The following OR5D14 variants were observed in gnomAD, a reference collection of about 807,000 sequenced individuals.
The protein encoded by OR5D14 is olfactory receptor family 5 subfamily D member 14.
For missense variants in OR5D14, 466 were observed against 375.5 expected, an observed-to-expected ratio of 1.24 and a Z score of -1.99; for synonymous variants, 187 against 138.2, an observed-to-expected ratio of 1.35 and a Z score of -2.48.
In OR5D14 at chr11:55,795,600, C is replaced by A. The variant is rs1448584430; in HGVS notation, c.45C>A (p.Ala15=). The A allele has an allele frequency of 1.2e-6, 2 of 1,610,326 alleles. No homozygotes were observed. Among genetic ancestry groups the A allele is most frequent in the South Asian group, 2.2e-5 (2 of 90,586 alleles). ...LRNLSMEPTF[A]LLGFTDYPKL... ...ATCTGAGCATGGAGCCCACCTTTGC[C>A]CTTTTAGGTTTCACAGATTACCCAA... The change falls in exon 1 of 1, where the codon GCC becomes GCA. Residue 15 remains alanine (A), a synonymous_variant. Coordinates refer to ENST00000335605, the MANE Select transcript of OR5D14 (RefSeq NM_001004735.1).
Position 55,796,230 on chromosome 11 carries a change from G to A in OR5D14, c.675G>A (p.Val225=). ...TCACTTCCTATGTTTTCATTTTTGTGACTGTACTAAAAATCCGTTCTGTTA... is the reference window on the plus strand; with the variant it reads ...TCACTTCCTATGTTTTCATTTTTGTAACTGTACTAAAAATCCGTTCTGTTA... ...IILTSYVFIF[V]TVLKIRSVSG... The change falls in exon 1 of 1, where the codon GTG becomes GTA. Residue 225 remains valine (V), a synonymous_variant. Transcript: ENST00000335605. 1.9e-6 allele frequency: 3 copies of A among 1,613,770 alleles called. No homozygotes were observed. The highest frequency in any genetic ancestry group is 2.5e-6 in the Non-Finnish European group (3 of 1,179,988).
rs776097725 is a variant in OR5D14 at position 55,796,085 on chromosome 11, AC to A, written c.532del (p.His178ThrfsTer37). 1 of 1,613,770 alleles carries A rather than the reference AC, an allele frequency of 6.2e-7. No individual in the cohort carries two copies. Among genetic ancestry groups the A allele is most frequent in the Non-Finnish European group, 8.5e-7 (1 of 1,179,972 alleles). On this transcript the variant is annotated frameshift_variant, in exon 1 of 1. Transcript: ENST00000335605. LOFTEE classifies it low-confidence loss of function (END_TRUNC). Reference sequence around the variant, plus strand: ...AACTTCTCTGGACCTAATGTAATCAACCACTTCTTTTGTGAGTATACTGCTC... The same window carrying A: ...AACTTCTCTGGACCTAATGTAATCAACACTTCTTTTGTGAGTATACTGCTC... ...RLNFSGPNVI[N>X]HFFCEYTALI... is the part of the protein sequence containing the mutation.
rs1254557892 is a variant in OR5D14 at position 55,795,756 on chromosome 11, CCTCT to C, written c.204_207del (p.Ser69LeufsTer19). 6.2e-7 allele frequency: 1 copy of C among 1,613,076 alleles called. No homozygotes were observed. The highest frequency in any genetic ancestry group is 2.2e-5 in the East Asian group (1 of 44,884). On this transcript the variant is annotated frameshift_variant, in exon 1 of 1. Transcript: ENST00000335605. LOFTEE classifies it low-confidence loss of function (END_TRUNC). ...CTCCTATGTACTTTTTCCTTAGTCA[CCTCT>C]CTTTTGTTGATTTTTGTTACTCTTC...
rs1256929229 is a variant in OR5D14, at chr11:55,796,098, T to A, written c.543T>A (p.Cys181Ter). 6 of 1,614,002 alleles carry A rather than the reference T, an allele frequency of 3.7e-6. No individual in the cohort carries two copies. In the Admixed American group the frequency reaches 6.7e-5, roughly 18 times the overall value. ...CTAATGTAATCAACCACTTCTTTTG[T>A]GAGTATACTGCTCTCATCTCTGTGT... is the stretch of plus-strand genomic sequence containing the variant. ...SGPNVINHFFCEYTALISVSG... is the reference protein window; with the variant it reads ...SGPNVINHFF The change falls in exon 1 of 1, where the codon TGT becomes TGA. Residue 181 changes from cysteine to a stop codon, truncating the protein, a stop_gained. Transcript: ENST00000335605. LOFTEE classifies it low-confidence loss of function (END_TRUNC).
At position 55,796,469 on chromosome 11, in the gene OR5D14, A is replaced by T. The variant is rs769937037; in HGVS notation, c.914A>T (p.Lys305Met). The change falls in exon 1 of 1, where the codon AAG becomes ATG. Residue 305 changes from lysine (K) to methionine (M), a missense_variant. Coordinates refer to ENST00000335605, the MANE Select transcript of OR5D14 (RefSeq NM_001004735.1). Reference sequence around the variant, plus strand: ...AAAGACGTGAAGGATGCTTTCTGGAAGTTAATACATACACAAGTTCCATTT... The same window carrying T: ...AAAGACGTGAAGGATGCTTTCTGGATGTTAATACATACACAAGTTCCATTT... ...RNKDVKDAFW[K>M]LIHTQVPFH The T allele has an allele frequency of 6.2e-6, 10 of 1,608,186 alleles. No homozygotes were observed. Among genetic ancestry groups the T allele is most frequent in the Non-Finnish European group, 7.6e-6 (9 of 1,178,080 alleles).
At position 55,795,601 on chromosome 11, in the gene OR5D14, C is replaced by T. The variant is rs774661407; in HGVS notation, c.46C>T (p.Leu16Phe). The T allele has an allele frequency of 1.2e-6, 2 of 1,611,138 alleles. No individual in the cohort carries two copies. The highest frequency in any genetic ancestry group is 1.7e-6 in the Non-Finnish European group (2 of 1,179,024). Residue 16 changes from leucine (L) to phenylalanine (F), a missense_variant, in exon 1 of 1, where the codon CTT becomes TTT. Physicochemically the swap from Leu to Phe is conservative, Grantham distance 22. Coordinates refer to ENST00000335605, the MANE Select transcript of OR5D14 (RefSeq NM_001004735.1). Reference protein sequence around the residue: ...RNLSMEPTFALLGFTDYPKLQ... With the variant: ...RNLSMEPTFAFLGFTDYPKLQ... Reference sequence around the variant, plus strand: ...TCTGAGCATGGAGCCCACCTTTGCCCTTTTAGGTTTCACAGATTACCCAAA... The same window carrying T: ...TCTGAGCATGGAGCCCACCTTTGCCTTTTTAGGTTTCACAGATTACCCAAA...
rs756880968 is a variant in OR5D14 at position 55,796,446 on chromosome 11, A to T, written c.891A>T (p.Lys297Asn). ...LNPLIYSLRN[K>N]DVKDAFWKLI... ...CTCTGATCTACAGCCTAAGGAATAA[A>T]GACGTGAAGGATGCTTTCTGGAAGT... Residue 297 changes from lysine (K) to asparagine (N), a missense_variant, in exon 1 of 1, where the codon AAA (lysine) becomes AAT (asparagine). Coordinates refer to ENST00000335605, the MANE Select transcript of OR5D14 (RefSeq NM_001004735.1). The T allele has an allele frequency of 3.1e-6, 5 of 1,613,026 alleles. No individual in the cohort carries two copies. In the East Asian group the frequency reaches 1.1e-4, roughly 36 times the overall value.
Position 55,796,092 on chromosome 11 carries a change from C to G in OR5D14, c.537C>G (p.Phe179Leu). ...NFSGPNVINHFFCEYTALISV... is the reference protein window; with the variant it reads ...NFSGPNVINHLFCEYTALISV... ...CTGGACCTAATGTAATCAACCACTT[C>G]TTTTGTGAGTATACTGCTCTCATCT... The change falls in exon 1 of 1, where the codon TTC (phenylalanine) becomes TTG (leucine). Residue 179 changes from phenylalanine (F) to leucine (L), a missense_variant. Coordinates refer to ENST00000335605, the MANE Select transcript of OR5D14 (RefSeq NM_001004735.1). The G allele has an allele frequency of 6.2e-7, 1 of 1,613,966 alleles. No homozygotes were observed. The highest frequency in any genetic ancestry group is 8.5e-7 in the Non-Finnish European group (1 of 1,180,012).
At position 55,795,837 on chromosome 11, in the gene OR5D14, C is replaced by T; in HGVS notation, c.282C>T (p.Ile94=). Residue 94 remains isoleucine, a synonymous_variant, in exon 1 of 1, where the codon ATC becomes ATT. Transcript: ENST00000335605. ...ACTTGGTAATGGCAGATAAAAGCATCTTCTACTTTAGCTGCATGATGCAGT... is the reference window on the plus strand; with the variant it reads ...ACTTGGTAATGGCAGATAAAAGCATTTTCTACTTTAGCTGCATGATGCAGT... ...LENLVMADKS[I]FYFSCMMQYF... The T allele has an allele frequency of 1.9e-6, 3 of 1,613,908 alleles. No individual in the cohort carries two copies. Among genetic ancestry groups the T allele is most frequent in the Non-Finnish European group, 2.5e-6 (3 of 1,179,960 alleles).
At position 55,796,392 on chromosome 11, in the gene OR5D14, T is replaced by G. The variant is rs186789011; in HGVS notation, c.837T>G (p.Phe279Leu). 294 of 1,613,804 alleles carry G rather than the reference T, an allele frequency of 1.8e-4. No individual in the cohort carries two copies. The East Asian group carries it at 6.1e-3, about 33-fold the overall frequency. The change falls in exon 1 of 1, where the codon TTT becomes TTG. Residue 279 changes from phenylalanine (F) to leucine (L), a missense_variant. Phe to Leu is a conservative substitution (Grantham distance 22). Transcript: ENST00000335605. ...AAACAGTCAAAGTGGCCTCTGTATT[T>G]TACACAGTTGTCAACCCCATGCTGA... Reference protein sequence around the residue: ...SRQTVKVASVFYTVVNPMLNP... With the variant: ...SRQTVKVASVLYTVVNPMLNP...
chr11:55,796,109 CTCTCA>C lies in OR5D14; in HGVS notation c.559_563del (p.Ile187CysfsTer5). The C allele has an allele frequency of 6.2e-7, 1 of 1,613,910 alleles. No homozygotes were observed. The highest frequency in any genetic ancestry group is 8.5e-7 in the Non-Finnish European group (1 of 1,179,930). ...AACCACTTCTTTTGTGAGTATACTGCTCTCATCTCTGTGTCTGGCTCTGATATACT... is the reference window on the plus strand; with the variant it reads ...AACCACTTCTTTTGTGAGTATACTGCTCTCTGTGTCTGGCTCTGATATACT... On this transcript the variant is annotated frameshift_variant, in exon 1 of 1. Coordinates refer to ENST00000335605, the MANE Select transcript of OR5D14 (RefSeq NM_001004735.1). LOFTEE classifies it low-confidence loss of function (END_TRUNC).
rs141238594 is a variant in OR5D14, at chr11:55,796,449, C to T, written c.894C>T (p.Asp298=). The change falls in exon 1 of 1, where the codon GAC becomes GAT. Residue 298 remains aspartate, a synonymous_variant. Transcript: ENST00000335605. Reference sequence around the variant, plus strand: ...TGATCTACAGCCTAAGGAATAAAGACGTGAAGGATGCTTTCTGGAAGTTAA... The same window carrying T: ...TGATCTACAGCCTAAGGAATAAAGATGTGAAGGATGCTTTCTGGAAGTTAA... ...NPLIYSLRNK[D]VKDAFWKLIH... is the part of the protein sequence containing the mutation. The T allele has an allele frequency of 8.3e-5, 134 of 1,612,286 alleles. No individual in the cohort carries two copies. The highest frequency in any genetic ancestry group is 1.3e-4 in the African/African-American group (10 of 74,714).
Position 55,795,955 on chromosome 11 carries a change from T to C in OR5D14, c.400T>C (p.Tyr134His). ...RFVAICNPLLYTVAMSQRLCA... is the reference protein window; with the variant it reads ...RFVAICNPLLHTVAMSQRLCA... ...TGTGGCCATCTGCAATCCTCTGCTT[T>C]ATACAGTGGCCATGTCACAGAGGCT... is the stretch of plus-strand genomic sequence containing the variant. Residue 134 changes from tyrosine (Y) to histidine (H), a missense_variant, in exon 1 of 1, where the codon TAT (tyrosine) becomes CAT (histidine). Transcript: ENST00000335605. The C allele has an allele frequency of 6.2e-7, 1 of 1,613,942 alleles. No homozygotes were observed. The highest frequency in any genetic ancestry group is 1.3e-5 in the African/African-American group (1 of 74,858).
At position 55,796,107 on chromosome 11, in the gene OR5D14, T is replaced by C. The variant is rs754997145; in HGVS notation, c.552T>C (p.Thr184=). 5.6e-6 allele frequency: 9 copies of C among 1,613,866 alleles called. No homozygotes were observed. In the South Asian group the frequency reaches 9.9e-5, roughly 18 times the overall value. Residue 184 remains threonine (T), a synonymous_variant, in exon 1 of 1, where the codon ACT becomes ACC. Coordinates refer to ENST00000335605, the MANE Select transcript of OR5D14 (RefSeq NM_001004735.1). ...TCAACCACTTCTTTTGTGAGTATAC[T>C]GCTCTCATCTCTGTGTCTGGCTCTG... ...NVINHFFCEY[T]ALISVSGSDI...
Position 55,796,203 on chromosome 11 carries a change from C to A in OR5D14, c.648C>A (p.Ile216=). 6.2e-7 allele frequency: 1 copy of A among 1,613,972 alleles called. No homozygotes were observed. The highest frequency in any genetic ancestry group is 8.5e-7 in the Non-Finnish European group (1 of 1,180,000). ...ATGAGATGTGTACACTACTGATCAT[C>A]CTCACTTCCTATGTTTTCATTTTTG... ...TFNEMCTLLI[I]LTSYVFIFVT... is the part of the protein sequence containing the mutation. The change falls in exon 1 of 1, where the codon ATC becomes ATA. Residue 216 remains isoleucine (I), a synonymous_variant. Coordinates refer to ENST00000335605, the MANE Select transcript of OR5D14 (RefSeq NM_001004735.1).
rs866360109 is a variant in OR5D14, at chr11:55,795,766, G to T, written c.211G>T (p.Val71Phe). Residue 71 changes from valine to phenylalanine, a missense_variant, in exon 1 of 1, where the codon GTT becomes TTT. Coordinates refer to ENST00000335605, the MANE Select transcript of OR5D14 (RefSeq NM_001004735.1). ...MYFFLSHLSF[V>F]DFCYSSIVTP... ...CTTTTTCCTTAGTCACCTCTCTTTT[G>T]TTGATTTTTGTTACTCTTCCATTGT... The T allele has an allele frequency of 1.2e-6, 2 of 1,613,212 alleles. No individual in the cohort carries two copies. The highest frequency in any genetic ancestry group is 1.7e-6 in the Non-Finnish European group (2 of 1,179,496).
rs761649020 is a variant in OR5D14 at position 55,795,851 on chromosome 11, G to A, written c.296G>A (p.Cys99Tyr). The A allele has an allele frequency of 2.5e-6, 4 of 1,613,904 alleles. No individual in the cohort carries two copies. The highest frequency in any genetic ancestry group is 3.4e-6 in the Non-Finnish European group (4 of 1,179,954). Residue 99 changes from cysteine to tyrosine, a missense_variant, in exon 1 of 1, where the codon TGC becomes TAC. Coordinates refer to ENST00000335605, the MANE Select transcript of OR5D14 (RefSeq NM_001004735.1). Reference sequence around the variant, plus strand: ...GATAAAAGCATCTTCTACTTTAGCTGCATGATGCAGTACTTCCTGTCCTGC... The same window carrying A: ...GATAAAAGCATCTTCTACTTTAGCTACATGATGCAGTACTTCCTGTCCTGC... ...MADKSIFYFSCMMQYFLSCTA... is the reference protein window; with the variant it reads ...MADKSIFYFSYMMQYFLSCTA...
chr11:55,796,124 C>T lies in OR5D14; in HGVS notation c.569C>T (p.Ser190Phe). 6.2e-7 allele frequency: 1 copy of T among 1,613,900 alleles called. No individual in the cohort carries two copies. Among genetic ancestry groups the T allele is most frequent in the South Asian group, 1.1e-5 (1 of 91,082 alleles). Residue 190 changes from serine (S) to phenylalanine (F), a missense_variant, in exon 1 of 1, where the codon TCT becomes TTT. Ser to Phe is a radical substitution (Grantham distance 155, BLOSUM62 -2). Transcript: ENST00000335605. ...GAGTATACTGCTCTCATCTCTGTGT[C>T]TGGCTCTGATATACTCATCCCCCAC... Reference protein sequence around the residue: ...FCEYTALISVSGSDILIPHLL... With the variant: ...FCEYTALISVFGSDILIPHLL...
In OR5D14 at chr11:55,796,465, T is replaced by C; in HGVS notation, c.910T>C (p.Trp304Arg). The C allele has an allele frequency of 6.2e-7, 1 of 1,609,678 alleles. No homozygotes were observed. The highest frequency in any genetic ancestry group is 1.1e-5 in the South Asian group (1 of 90,820). The change falls in exon 1 of 1, where the codon TGG becomes CGG. Residue 304 changes from tryptophan to arginine, a missense_variant. By Grantham distance (101) the Trp-to-Arg change is moderately radical. Transcript: ENST00000335605. ...GAATAAAGACGTGAAGGATGCTTTC[T>C]GGAAGTTAATACATACACAAGTTCC... ...LRNKDVKDAF[W>R]KLIHTQVPFH
Sources: gnomAD v4.1 joint callset for allele counts on GRCh38, gnomAD v4.1.1 for gene constraint, MANE v1.5 for transcripts, NCBI Gene and HGNC (gene_info 2026-07-23, HGNC 2026-07-21) for gene names.